Variants in ACSS3 observed in about 807,000 individuals in gnomAD.
ACSS3 encodes the protein acyl-CoA synthetase short chain family member 3.
Under a neutral mutation model 84.2 loss-of-function variants are expected in ACSS3, and 64 were observed. The ratio of observed to expected loss-of-function variants is 0.76; its 90% CI spans 0.62 to 0.94. The LOEUF (loss-of-function observed/expected upper bound fraction) is 0.94. ACSS3 is among the 40% of genes least tolerant of loss of function. The pLI, the probability that ACSS3 is intolerant of heterozygous loss-of-function variation, is 0.00. For missense variants in ACSS3, 815 were observed against 867.6 expected, an observed-to-expected ratio of 0.94 and a Z score of 0.76; for synonymous variants, 317 against 310.1, an observed-to-expected ratio of 1.02 and a Z score of -0.23.
intron 7 of ACSS3, among the ~76,000 whole-genome samples, chr12:81,170,410 C>A (rs950918590): frequency 2.1e-4 from 32 of 152,088 alleles, no homozygotes; most frequent in African/African-American, 7.5e-4. Context: ...CATTATAAAT[C>A]TTGCTAATAT....
At chr12:81,177,005 G>A (rs779982457) in intron 8 of ACSS3, among the ~76,000 whole-genome samples, 17 of 152,130 alleles carry the variant, frequency 1.1e-4, no homozygotes, top group Non-Finnish European at 2.4e-4. Context: ...TGCAAGGTTG[G>A]TTCAACATAT....
At position 81,260,551 on chromosome 12, in the gene ACSS3, A is replaced by T. The variant is rs2136070179; in HGVS notation, c.*5629A>T. On this transcript the variant is annotated 3_prime_UTR_variant, in exon 16 of 16. Transcript: ENST00000548058. ...TATATACTTTAAATCATGTCTAATT[A>T]GGTGCCAAATTATATACCATAATTA... 1.3e-5 allele frequency: 2 copies of T among 152,338 alleles called. 1 individual carries two copies. The highest frequency in any genetic ancestry group is 2.9e-5 in the Non-Finnish European group (2 of 68,020). 9.4% of individuals were successfully genotyped at this position (152,338 alleles called of 1,614,324 possible).
chr12:81,198,666 A>AT (rs1473249369), intron 8 of ACSS3, among the ~76,000 whole-genome samples: 2 of 150,642 alleles, frequency 1.3e-5, no homozygotes, highest in African/African-American at 2.4e-5. Flanking sequence ...GTATTTTCCT[A>AT]TTTCGTTTTT....
intron 7 of ACSS3, among the ~76,000 whole-genome samples, chr12:81,167,054 TA>T (rs1887436575): frequency 6.6e-6 from 1 of 152,328 alleles, no homozygotes; most frequent in East Asian, 1.9e-4. Flanking sequence ...ACGAGCTGTA[TA>T]CTAGGGGTAA....
At chr12:81,109,509 C>G in intron 1 of ACSS3, 51 bp from the exon 2 acceptor site, 7 of 1,567,810 alleles carry the variant, frequency 4.5e-6, no homozygotes, top group East Asian at 2.3e-5. Flanking sequence ...CATTAAGTGA[C>G]AATATATTTT....
chr12:81,084,319 G>A (rs1881180073), intron 1 of ACSS3, among the ~76,000 whole-genome samples: 1 of 152,184 alleles, frequency 6.6e-6, no homozygotes. Context: ...GGAGTAATGA[G>A]AACATAAAAT....
chr12:81,194,162 G>C (rs1397326253), intron 8 of ACSS3, among the ~76,000 whole-genome samples: 1 of 151,440 alleles, frequency 6.6e-6, no homozygotes, highest in Admixed American at 6.6e-5. Context: ...TTTATACTAA[G>C]ATTTGTTGTT....
At chr12:81,151,518 G>A (rs1886607546) in intron 5 of ACSS3, 1 of 190,762 alleles carries the variant, frequency 5.2e-6, no homozygotes, top group Non-Finnish European at 1.1e-5. Context: ...AAATATGTCT[G>A]AAAATGTAGT....
intron 3 of ACSS3, among the ~76,000 whole-genome samples, chr12:81,135,832 T>C (rs1885772341): frequency 6.6e-6 from 1 of 152,144 alleles, no homozygotes; most frequent in Admixed American, 6.6e-5. Flanking sequence ...CACACATTTG[T>C]TTTAAAGTCA....
chr12:81,219,365 A>G (rs1208703965), intron 10 of ACSS3, among the ~76,000 whole-genome samples: 1 of 152,158 alleles, frequency 6.6e-6, no homozygotes. Flanking sequence ...TTAAGGTAGA[A>G]TTACCTGGAT....
rs528435050 is a variant in ACSS3 at position 81,132,995 on chromosome 12, A to G, written c.457-1821A>G. Among the ~76,000 whole-genome samples the G allele has an allele frequency of 3.9e-5, 6 of 152,074 alleles. No individual in the cohort carries two copies. In the South Asian group the frequency reaches 6.2e-4, roughly 16 times the overall value. On this transcript the variant is annotated intron_variant, in intron 2 of 15. Transcript: ENST00000548058. ...TGAGTTCCATATATAATTCAAGTTC[A>G]TGATTTTTATTACTTTGGTGTATCT...
Position 81,231,086 on chromosome 12 carries a change from G to A in ACSS3, c.1544G>A (p.Gly515Glu), listed in dbSNP as rs2033443333. ...KLPLPPGAFS[G>E]LWKNQEAFKH... ...CCATTGCCACCTGGGGCTTTTTCAG[G>A]ACTCTGGAAGAATCAGGAAGCATTC... The change falls in exon 12 of 16, where the codon GGA becomes GAA. Residue 515 changes from glycine to glutamate, a missense_variant. By Grantham distance (98) the Gly-to-Glu change is moderately conservative. Transcript: ENST00000548058. The A allele has an allele frequency of 6.2e-7, 1 of 1,610,598 alleles. No individual in the cohort carries two copies. Among genetic ancestry groups the A allele is most frequent in the Admixed American group, 1.7e-5 (1 of 59,628 alleles).
chr12:81,229,592 C>T (rs2033387458), intron 11 of ACSS3, among the ~76,000 whole-genome samples: 1 of 151,772 alleles, frequency 6.6e-6, no homozygotes, highest in Non-Finnish European at 1.5e-5. Context: ...TAAGAGAACC[C>T]AGAGGGATTA....
intron 5 of ACSS3, among the ~76,000 whole-genome samples, chr12:81,150,120 C>T (rs1886538216): frequency 6.6e-6 from 1 of 152,150 alleles, no homozygotes; most frequent in South Asian, 2.1e-4. Context: ...TTCTGGTCAT[C>T]ATTTCTAGTC....
chr12:81,228,727 A>G (rs2033351882), intron 11 of ACSS3, among the ~76,000 whole-genome samples: 1 of 151,770 alleles, frequency 6.6e-6, no homozygotes, highest in Non-Finnish European at 1.5e-5. Context: ...ACTCTGGATT[A>G]GGTACATACT....
At chr12:81,129,420 T>C (rs1304434930) in intron 2 of ACSS3, among the ~76,000 whole-genome samples, 2 of 152,164 alleles carry the variant, frequency 1.3e-5, no homozygotes, top group Non-Finnish European at 2.9e-5. Context: ...GTTCAATTGA[T>C]TGCTGTTATT....
Position 81,220,990 on chromosome 12 carries a change from A to G in ACSS3, c.1514+914A>G, listed in dbSNP as rs190404943. The stretch of plus-strand genomic sequence containing the variant: ...TATAATTACTGGGTCAAACAGTATC[A>G]TCTTATAAAGTTCCTGACTTAGCAA... On this transcript the variant is annotated intron_variant, in intron 11 of 15. Transcript: ENST00000548058. Among the ~76,000 whole-genome samples, 4 of 152,212 alleles carry G rather than the reference A, an allele frequency of 2.6e-5. No individual in the cohort carries two copies. In the East Asian group the frequency reaches 7.7e-4, roughly 29 times the overall value.
At chr12:81,189,519 T>C (rs2031455147) in intron 8 of ACSS3, among the ~76,000 whole-genome samples, 1 of 152,162 alleles carries the variant, frequency 6.6e-6, no homozygotes, top group African/African-American at 2.4e-5. Flanking sequence ...TTTTATAACA[T>C]GCTTATTCAA....
chr12:81,084,016 A>G (rs1000084544), intron 1 of ACSS3, among the ~76,000 whole-genome samples: 4 of 152,148 alleles, frequency 2.6e-5, no homozygotes, highest in Admixed American at 1.3e-4. Context: ...ATGGGTCAGT[A>G]TTCCTGCACA....
Sources: gnomAD v4.1 joint callset for allele counts (sites outside exome capture counted in the v4.1 genomes callset) on GRCh38, gnomAD v4.1.1 for gene constraint, MANE v1.5 for transcripts, NCBI Gene and HGNC (gene_info 2026-07-23, HGNC 2026-07-21) for gene names.